Variants in SPON1 observed in about 807,000 individuals in gnomAD.
SPON1 encodes the protein spondin 1.
SPON1 carries 52 observed loss-of-function variants against 111.7 expected under a neutral mutation model. The ratio of observed to expected loss-of-function variants is 0.47; its 90% confidence interval spans 0.37 to 0.59. SPON1 has a LOEUF of 0.59. Ranked by LOEUF, SPON1 falls within the 20% of genes least tolerant of loss-of-function variation. The probability of loss-of-function intolerance (pLI) is 0.00; values close to 1 mark genes in which losing one functional copy is unlikely to be tolerated. For missense variants in SPON1, 957 were observed against 1,068.5 expected (o/e 0.90, Z 1.46); for synonymous variants, 410 against 395.8 (o/e 1.04, Z -0.43).
chr11:14,262,750 G>C lies in SPON1; in HGVS notation c.2035G>C (p.Glu679Gln), dbSNP rs1554942029. 2.5e-6 allele frequency: 4 copies of C among 1,613,914 alleles called. No homozygotes were observed. The Admixed American group carries it at 6.7e-5, about 27-fold the overall frequency. ...CELTEWSQWS[E>Q]CNKSCGKGHV... ...GCTCACCGAGTGGTCCCAGTGGTCG[G>C]AATGTAACAAGTCATGTGGGAAAGG... Residue 679 changes from glutamate (E) to glutamine (Q), a missense_variant, in exon 15 of 16, where the codon GAA becomes CAA. Around this residue, in one of 5 missense-constraint regions of SPON1, gnomAD observed 549 missense variants for 606.2 expected, o/e 0.91. Transcript: ENST00000576479.
At chr11:14,180,434 A>C (rs1848225007) in intron 6 of SPON1, among the ~76,000 whole-genome samples, 2 of 151,720 alleles carry the variant, frequency 1.3e-5, no homozygotes, top group Non-Finnish European at 2.9e-5. Flanking sequence ...CTCTTTCTTG[A>C]CTCCTTCTTT....
intron 2 of SPON1, among the ~76,000 whole-genome samples, chr11:14,001,407 AT>A (rs1327504912): frequency 1.8e-4 from 27 of 152,180 alleles, no homozygotes; most frequent in Admixed American, 2.6e-4. Flanking sequence ...ATCTGGCCAG[AT>A]GCTTCTCCCT....
At chr11:14,221,211 C>T (rs1196535953) in intron 6 of SPON1, among the ~76,000 whole-genome samples, 1 of 152,176 alleles carries the variant, frequency 6.6e-6, no homozygotes, top group African/African-American at 2.4e-5. Context: ...ACAAAGATGA[C>T]TTAGTCAAGG....
Position 14,233,206 on chromosome 11 carries a change from C to A in SPON1, c.826-10126C>A, listed in dbSNP as rs1591420770. Among the ~76,000 whole-genome samples, 3 of 152,272 alleles carry A rather than the reference C, an allele frequency of 2.0e-5. No individual in the cohort carries two copies. In the South Asian group the frequency reaches 6.2e-4, roughly 32 times the overall value. ...CACCTCCTTTTGGAGTCATCCTTGA[C>A]CCCTCTTTGTTTTATACCTCACATC... On this transcript the variant is annotated intron_variant, in intron 6 of 15. Coordinates refer to ENST00000576479, the MANE Select transcript of SPON1 (RefSeq NM_006108.4).
At chr11:14,254,059 T>C (rs2278347) in intron 7 of SPON1, among the ~76,000 whole-genome samples, 19,752 of 152,234 alleles carry the variant, frequency 0.13, 1,637 homozygotes, top group South Asian at 0.2. Flanking sequence ...CTACAGCTGG[T>C]CCCTGCTTCC....
intron 3 of SPON1, among the ~76,000 whole-genome samples, chr11:14,045,031 T>G (rs188973686): frequency 9.2e-5 from 14 of 152,334 alleles, no homozygotes; most frequent in Admixed American, 5.9e-4. Flanking sequence ...TTTCCAAGTT[T>G]TTATCCACAG....
chr11:14,136,165 C>G (rs1554928068), intron 6 of SPON1, among the ~76,000 whole-genome samples: 1 of 152,106 alleles, frequency 6.6e-6, no homozygotes, highest in East Asian at 1.9e-4. Flanking sequence ...TGCCATCGTC[C>G]TTCATCAAAA....
chr11:13,986,388 A>G (rs1848184908), intron 2 of SPON1, among the ~76,000 whole-genome samples: 1 of 152,204 alleles, frequency 6.6e-6, no homozygotes, highest in Non-Finnish European at 1.5e-5. Context: ...GATACATAAT[A>G]TTTAACATAT....
rs117153763 is a variant in SPON1 at position 14,009,719 on chromosome 11, A to G, written c.345+26766A>G. On this transcript the variant is annotated intron_variant, in intron 2 of 15. Coordinates refer to ENST00000576479, the MANE Select transcript of SPON1 (RefSeq NM_006108.4). ...AATTCTGGAGGCTGAGCAGTCCAAG[A>G]TCAAGGCACCAGCAGATTTGTTGTC... Among the ~76,000 whole-genome samples, 1,090 of 152,304 alleles carry G rather than the reference A, an allele frequency of 7.2e-3. 5 individuals carry two copies. Among genetic ancestry groups the G allele is most frequent in the Admixed American group, 0.011 (164 of 15,294 alleles).
intron 6 of SPON1, chr11:14,224,900 C>G (rs782186532): frequency 2.6e-4 from 71 of 272,830 alleles, no homozygotes; most frequent in Non-Finnish European, 8.9e-5. Flanking sequence ...AAAGTTCTGT[C>G]TGATGGACTG....
intron 2 of SPON1, among the ~76,000 whole-genome samples, chr11:14,014,071 G>C (rs1438757743): frequency 2.0e-5 from 3 of 152,158 alleles, no homozygotes; most frequent in Non-Finnish European, 4.4e-5. Context: ...GAGAAGCTCT[G>C]TGTGAAGGAC....
At chr11:14,160,558 TTTA>T (rs1847910814) in intron 6 of SPON1, among the ~76,000 whole-genome samples, 1 of 29,948 alleles carries the variant, frequency 3.3e-5, no homozygotes, top group African/African-American at 1.6e-4. Context: ...TATATATATA[TTTA>T]TATATATATT....
intron 6 of SPON1, among the ~76,000 whole-genome samples, chr11:14,174,577 C>A (rs577734761): frequency 6.6e-6 from 1 of 151,378 alleles, no homozygotes; most frequent in Non-Finnish European, 1.5e-5. Flanking sequence ...GCCTGTGGCA[C>A]CTCCTCTGTT....
At chr11:14,165,097 G>A (rs1554931740) in intron 6 of SPON1, among the ~76,000 whole-genome samples, 1 of 152,174 alleles carries the variant, frequency 6.6e-6, no homozygotes, top group Non-Finnish European at 1.5e-5. Flanking sequence ...AGGCAAGAAG[G>A]AGACCTGCTT....
chr11:14,187,286 T>C (rs1848295404), intron 6 of SPON1, among the ~76,000 whole-genome samples: 1 of 152,104 alleles, frequency 6.6e-6, no homozygotes, highest in Non-Finnish European at 1.5e-5. Context: ...AACTCCAACA[T>C]TGAGGGTCAC....
At chr11:14,155,449 G>C (rs560612618) in intron 6 of SPON1, among the ~76,000 whole-genome samples, 4 of 152,080 alleles carry the variant, frequency 2.6e-5, no homozygotes, top group African/African-American at 9.7e-5. Context: ...CATGGCTGGA[G>C]CAGGAGGAAG....
intron 6 of SPON1, among the ~76,000 whole-genome samples, chr11:14,208,708 A>G (rs550225842): frequency 3.0e-4 from 45 of 152,182 alleles, no homozygotes; most frequent in Non-Finnish European, 6.0e-4. Flanking sequence ...TTTTACATTG[A>G]TCATATCATT....
chr11:14,010,506 G>A (rs1415915764), intron 2 of SPON1, among the ~76,000 whole-genome samples: 1 of 152,074 alleles, frequency 6.6e-6, no homozygotes, highest in East Asian at 1.9e-4. Flanking sequence ...GTAAAATGAG[G>A]GATTGGGGAG....
At chr11:14,173,016 T>C (rs1842213350) in intron 6 of SPON1, among the ~76,000 whole-genome samples, 1 of 151,894 alleles carries the variant, frequency 6.6e-6, no homozygotes, top group Admixed American at 6.6e-5. Flanking sequence ...GTTCTCTGTA[T>C]TTCCTGAATT....
Sources: gnomAD v4.1 joint callset for allele counts (sites outside exome capture counted in the v4.1 genomes callset) on GRCh38, gnomAD v4.1.1 for gene constraint, gnomAD v4.1.1 regional missense constraint, MANE v1.5 for transcripts, NCBI Gene and HGNC (gene_info 2026-07-23, HGNC 2026-07-21) for gene names.